Variants in IQANK1 observed in about 807,000 individuals in gnomAD.
IQANK1 encodes the protein IQ motif and ankyrin repeat containing 1, also known as IQ motif and ankyrin repeat domain-containing protein 1.
Under a neutral mutation model 22.6 loss-of-function variants are expected in IQANK1, and 30 were observed. That is an observed-to-expected ratio of 1.33 (90% CI 0.99 to 1.80). IQANK1 has a LOEUF of 1.80. Ranked by LOEUF, IQANK1 falls within the 40% of genes most tolerant of loss-of-function variation. The pLI, the probability that IQANK1 is intolerant of heterozygous loss-of-function variation, is 0.00. For synonymous variants in IQANK1, 122 were observed against 99.6 expected, an observed-to-expected ratio of 1.23 and a Z score of -1.34; for missense variants, 275 against 235.2, an observed-to-expected ratio of 1.17 and a Z score of -1.11.
At position 143,739,958 on chromosome 8, in the gene IQANK1, C is replaced by T; in HGVS notation, c.175+10C>T. 2.9e-6 allele frequency: 2 copies of T among 685,834 alleles called. No individual in the cohort carries two copies. The highest frequency in any genetic ancestry group is 5.3e-6 in the Non-Finnish European group (2 of 375,184). The allele number at this position is 685,834 out of a possible 1,614,324, so 42.5% of individuals were successfully genotyped here. A position where few individuals can be genotyped will look rare whatever the true frequency, so the allele number is the denominator to read the frequency against. ...CCACAGGCCCCCACAGGTGAGAGCC[C>T]GCACGTCCCGCGCCGCTGTGGGTGA... On this transcript the variant is annotated intron_variant, in intron 3 of 13. Coordinates refer to ENST00000527139, the MANE Select transcript of IQANK1 (RefSeq NM_001381874.1).
At chr8:143,789,289 C>T (rs529958802) in intron 9 of IQANK1, 46 bp downstream of exon 9, 32 of 289,052 alleles carry the variant, frequency 1.1e-4, no homozygotes, top group Non-Finnish European at 1.8e-4. Flanking sequence ...GAGGGAGAGC[C>T]GGGTGGGGAG....
At chr8:143,760,856 G>A (rs1819381985) in intron 3 of IQANK1, among the ~76,000 whole-genome samples, 1 of 152,208 alleles carries the variant, frequency 6.6e-6, no homozygotes, top group African/African-American at 2.4e-5. Context: ...ATCGCGGCGG[G>A]GCCCTCCCAG....
rs1226869128 is a variant in IQANK1 at position 143,774,441 on chromosome 8, C to T, written c.789+1959C>T. ...GATCTAATGATGGCAGATGAACACC[C>T]GAGGAGGTGTTGCACACCACCTCAC... On this transcript the variant is annotated intron_variant, in intron 7 of 13. Transcript: ENST00000527139. This position sits in a 1 kb window ranked among gnomAD's most constrained non-coding sequence, Gnocchi z 4.2. 2.0e-5 allele frequency among the ~76,000 whole-genome samples: 3 copies of T among 152,126 alleles called. No individual in the cohort carries two copies. The South Asian group carries it at 6.2e-4, about 32-fold the overall frequency.
intron 2 of IQANK1, among the ~76,000 whole-genome samples, chr8:143,737,951 A>G (rs1270209373): frequency 6.6e-6 from 1 of 152,118 alleles, no homozygotes; most frequent in Non-Finnish European, 1.5e-5. Context: ...ACAGCCTTCC[A>G]TGTGCCCAGC....
intron 7 of IQANK1, among the ~76,000 whole-genome samples, chr8:143,786,485 T>A (rs1819891952): frequency 6.6e-6 from 1 of 152,250 alleles, no homozygotes; most frequent in Admixed American, 6.5e-5. Flanking sequence ...TGTGCATAAA[T>A]GAATACATCT....
chr8:143,773,309 AAAAAAAAC>A (rs1819618257), intron 7 of IQANK1, among the ~76,000 whole-genome samples: 1 of 125,836 alleles, frequency 7.9e-6, no homozygotes, highest in African/African-American at 5.4e-5. Flanking sequence ...TCAAAAAAAA[AAAAAAAAC>A]AAAAAAAACA....
intron 7 of IQANK1, among the ~76,000 whole-genome samples, chr8:143,786,899 C>CT (rs1554631424): frequency 6.6e-6 from 1 of 152,208 alleles, no homozygotes; most frequent in African/African-American, 2.4e-5. Context: ...GCCCCTGTGG[C>CT]TGCCAGGGAA....
At chr8:143,775,532 G>A (rs974853074) in intron 7 of IQANK1, among the ~76,000 whole-genome samples, 3 of 151,886 alleles carry the variant, frequency 2.0e-5, no homozygotes, top group Admixed American at 6.6e-5. Context: ...AGGCCGAGGC[G>A]GGCAGATCAC....
intron 3 of IQANK1, among the ~76,000 whole-genome samples, chr8:143,768,313 T>G (rs910828132): frequency 6.6e-6 from 1 of 152,066 alleles, no homozygotes; most frequent in African/African-American, 2.4e-5. Flanking sequence ...GATCACTTAG[T>G]AGGAGGGTTT....
rs201192786 is a variant in IQANK1, at chr8:143,749,581, TA to T, written c.175+9634del. 2.3e-3 allele frequency among the ~76,000 whole-genome samples: 276 copies of T among 118,730 alleles called. 3 individuals carry two copies. In the East Asian group the frequency reaches 0.023, roughly 10 times the overall value. The allele number at this position is 118,730 out of a possible 152,430, so 77.9% of individuals were successfully genotyped here. A position where few individuals can be genotyped will look rare whatever the true frequency, so the allele number is the denominator to read the frequency against. ...ATCATATATATCAATCATATATATA[TA>T]TTTTATTTATTTATTTATTTTTTTT... On this transcript the variant is annotated intron_variant, in intron 3 of 13. Transcript: ENST00000527139.
intron 2 of IQANK1, among the ~76,000 whole-genome samples, chr8:143,739,130 A>G (rs1818825299): frequency 6.6e-6 from 1 of 152,106 alleles, no homozygotes. Flanking sequence ...CCTGCACTGC[A>G]CTGCAACAAG....
chr8:143,766,441 T>G (rs1206029093), intron 3 of IQANK1, among the ~76,000 whole-genome samples: 5 of 151,990 alleles, frequency 3.3e-5, no homozygotes, highest in African/African-American at 1.2e-4. Context: ...GAGGCTGAGG[T>G]GGGTGGATCA....
At chr8:143,789,551 A>G in intron 10 of IQANK1, 23 bp downstream of exon 10, 1 of 1,232,106 alleles carries the variant, frequency 8.1e-7, no homozygotes, top group East Asian at 3.2e-5. Context: ...GGTGGACTTG[A>G]TATGCCCCTG....
chr8:143,742,215 G>A (rs1010421304), intron 3 of IQANK1: 15 of 374,896 alleles, frequency 4.0e-5, no homozygotes, highest in African/African-American at 2.5e-4. Context: ...TGGAGAGCCA[G>A]CCCAGCCCTC....
chr8:143,755,534 T>C (rs1819275712), intron 3 of IQANK1, among the ~76,000 whole-genome samples: 1 of 152,068 alleles, frequency 6.6e-6, no homozygotes, highest in African/African-American at 2.4e-5. Context: ...AGGCTAATTT[T>C]TGTATTTTTA....
intron 2 of IQANK1, among the ~76,000 whole-genome samples, chr8:143,739,110 G>A (rs564144883): frequency 7.4e-4 from 113 of 152,320 alleles, no homozygotes; most frequent in African/African-American, 2.6e-3. Flanking sequence ...CCTGGCTGGG[G>A]GCTGGCTGTC....
intron 2 of IQANK1, among the ~76,000 whole-genome samples, chr8:143,738,364 G>T (rs1325020120): frequency 6.6e-6 from 1 of 152,218 alleles, no homozygotes; most frequent in East Asian, 1.9e-4. Flanking sequence ...CCCACGCCAG[G>T]CTTGGCCCCC....
intron 3 of IQANK1, among the ~76,000 whole-genome samples, chr8:143,750,405 A>G (rs1563771194): frequency 6.6e-6 from 1 of 151,852 alleles, no homozygotes; most frequent in African/African-American, 2.4e-5. Context: ...CTATGTTTTC[A>G]TTTTCAATGT....
chr8:143,781,090 CT>C (rs1242255361), intron 7 of IQANK1, among the ~76,000 whole-genome samples: 1 of 152,092 alleles, frequency 6.6e-6, no homozygotes, highest in Non-Finnish European at 1.5e-5. Flanking sequence ...TGATATTGAG[CT>C]TTTTTTCATA....
Sources: allele counts gnomAD v4.1 joint callset (sites outside exome capture counted in the v4.1 genomes callset), GRCh38; gene constraint gnomAD v4.1.1; non-coding constraint Gnocchi (gnomAD v3.1); transcripts MANE v1.5; gene names NCBI Gene and HGNC (gene_info 2026-07-23, HGNC 2026-07-21).